The following DTNA variants were observed in gnomAD, a reference collection of about 807,000 sequenced individuals.
The protein encoded by DTNA is dystrobrevin alpha, also known as dystrophin-related protein 3.
In DTNA, 43 loss-of-function variants were observed where a neutral mutation model predicts 100.7. The observed-to-expected ratio is 0.43, with a 90% CI of 0.33 to 0.55. DTNA has a LOEUF of 0.55. DTNA is among the 20% of genes least tolerant of loss of function. The pLI is 0.04. For synonymous variants in DTNA, 349 were observed against 347.9 expected, an observed-to-expected ratio of 1.00 and a Z score of -0.04; for missense variants, 798 against 953.9, an observed-to-expected ratio of 0.84 and a Z score of 2.15.
At chr18:34,863,323 A>C (rs941892030) in intron 16 of DTNA, among the ~76,000 whole-genome samples, 7 of 152,228 alleles carry the variant, frequency 4.6e-5, no homozygotes, top group Non-Finnish European at 8.8e-5. Flanking sequence ...TCTGTAAAAC[A>C]AAACAAAATT....
At chr18:34,712,320 A>G (rs1011633262) in intron 1 of DTNA, among the ~76,000 whole-genome samples, 1 of 152,124 alleles carries the variant, frequency 6.6e-6, no homozygotes, top group Non-Finnish European at 1.5e-5. Context: ...GAAATTACTA[A>G]AAAGTATTTT....
At chr18:34,802,474 T>C (rs1219595854) in intron 4 of DTNA, among the ~76,000 whole-genome samples, 3 of 152,194 alleles carry the variant, frequency 2.0e-5, no homozygotes, top group African/African-American at 4.8e-5. Context: ...CTAATGACAA[T>C]TCCTGATGAG....
chr18:34,506,368 A>C (rs2040493746), intron 1 of DTNA, among the ~76,000 whole-genome samples: 1 of 152,226 alleles, frequency 6.6e-6, no homozygotes, highest in Middle Eastern at 3.4e-3. Context: ...CTTTATTACC[A>C]CTGGTGAAAA....
At chr18:34,521,681 A>T (rs2042161648) in intron 1 of DTNA, among the ~76,000 whole-genome samples, 1 of 151,820 alleles carries the variant, frequency 6.6e-6, no homozygotes, top group African/African-American at 2.4e-5. Flanking sequence ...ACTTGCTCTG[A>T]CCCCTACCTG....
intron 1 of DTNA, among the ~76,000 whole-genome samples, chr18:34,730,613 T>A (rs998122281): frequency 1.3e-5 from 2 of 152,206 alleles, no homozygotes; most frequent in Non-Finnish European, 2.9e-5. Context: ...ATGTCCTCAT[T>A]TGGATAACCC....
chr18:34,555,685 T>C (rs959710013), intron 1 of DTNA, among the ~76,000 whole-genome samples: 6 of 152,168 alleles, frequency 3.9e-5, no homozygotes, highest in African/African-American at 1.4e-4. Context: ...GTTGAGCGGT[T>C]TTGAGTGAGA....
intron 1 of DTNA, among the ~76,000 whole-genome samples, chr18:34,580,925 G>T (rs749879812): frequency 6.6e-6 from 1 of 152,174 alleles, no homozygotes; most frequent in Non-Finnish European, 1.5e-5. Flanking sequence ...ATTCTAATCT[G>T]TGGTACCTGT....
chr18:34,545,278 T>A (rs2044657996), intron 1 of DTNA, among the ~76,000 whole-genome samples: 1 of 152,068 alleles, frequency 6.6e-6, no homozygotes, highest in Non-Finnish European at 1.5e-5. Context: ...GAAGTCCCAA[T>A]TAATCTTGAA....
rs78071469 is a variant in DTNA at position 34,514,669 on chromosome 18, C to G, written c.-2+21155C>G. Among the ~76,000 whole-genome samples the G allele has an allele frequency of 4.4e-3, 663 of 152,040 alleles. 3 individuals carry two copies. The highest frequency in any genetic ancestry group is 7.3e-3 in the Non-Finnish European group (498 of 67,964). ...TCACAGTTCTAGAGGCTGGAAAGTC[C>G]AAGATTAAGGCAGTTTTGGTGCCTG... On this transcript the variant is annotated intron_variant, in intron 1 of 19. Transcript: ENST00000283365.
In DTNA at chr18:34,573,304, T is replaced by A. The variant is rs538412688; in HGVS notation, c.-2+79790T>A. On this transcript the variant is annotated intron_variant, in intron 1 of 19. Coordinates refer to the DTNA transcript ENST00000283365. ...CAACTTTAGGGCCCTAAATAAATATTAGGAACAAAAATGCCTCTCAAAACT... is the reference window on the plus strand; with the variant it reads ...CAACTTTAGGGCCCTAAATAAATATAAGGAACAAAAATGCCTCTCAAAACT... Among the ~76,000 whole-genome samples, 273 of 152,290 alleles carry A rather than the reference T, an allele frequency of 1.8e-3. 2 individuals carry two copies. The highest frequency in any genetic ancestry group is 6.0e-3 in the African/African-American group (250 of 41,556).
chr18:34,853,714 C>T (rs1177956443), intron 15 of DTNA, among the ~76,000 whole-genome samples: 1 of 151,382 alleles, frequency 6.6e-6, no homozygotes, highest in Non-Finnish European at 1.5e-5. Flanking sequence ...GTCAATGTAG[C>T]AAATAATAGG....
intron 21 of DTNA, among the ~76,000 whole-genome samples, chr18:34,882,938 C>T (rs1472113905): frequency 4.6e-5 from 7 of 152,144 alleles, no homozygotes; most frequent in Admixed American, 4.6e-4. Flanking sequence ...AGGAGAATGG[C>T]AAAATTCCTG....
At chr18:34,808,993 T>C (rs2149289984) in intron 5 of DTNA, among the ~76,000 whole-genome samples, 1 of 152,330 alleles carries the variant, frequency 6.6e-6, no homozygotes, top group East Asian at 1.9e-4. Context: ...TCACTCTTTG[T>C]ATAGTTAATC....
chr18:34,592,276 T>G (rs2049814635), intron 1 of DTNA, among the ~76,000 whole-genome samples: 1 of 152,208 alleles, frequency 6.6e-6, no homozygotes, highest in African/African-American at 2.4e-5. Context: ...AGAGGTTAGT[T>G]ATTTTCAGAG....
At chr18:34,504,823 G>T (rs2040325948) in intron 1 of DTNA, among the ~76,000 whole-genome samples, 1 of 152,126 alleles carries the variant, frequency 6.6e-6, no homozygotes, top group Non-Finnish European at 1.5e-5. Context: ...TCCTTGGAAG[G>T]TTTTTTAGCA....
At chr18:34,518,274 GA>G (rs1473808866) in intron 1 of DTNA, among the ~76,000 whole-genome samples, 1 of 151,900 alleles carries the variant, frequency 6.6e-6, no homozygotes, top group Non-Finnish European at 1.5e-5. Flanking sequence ...TTTCTAATTG[GA>G]TTGTTTGTCT....
chr18:34,825,412 A>G, intron 9 of DTNA: 1 of 1,073,302 alleles, frequency 9.3e-7, no homozygotes, highest in Admixed American at 1.7e-5. Context: ...CTCAGTTCAC[A>G]AGGATGCCAC....
At chr18:34,736,038 G>A (rs758874663) in intron 1 of DTNA, among the ~76,000 whole-genome samples, 15 of 152,052 alleles carry the variant, frequency 9.9e-5, no homozygotes, top group Admixed American at 5.9e-4. Flanking sequence ...AATAGTGTTC[G>A]AAATGCATAA....
At chr18:34,571,078 G>T (rs977416069) in intron 1 of DTNA, among the ~76,000 whole-genome samples, 5 of 152,190 alleles carry the variant, frequency 3.3e-5, no homozygotes, top group African/African-American at 1.2e-4. Context: ...CTGAGGTTCG[G>T]TTAAGTTCCT....
Sources: gnomAD v4.1 joint callset for allele counts (sites outside exome capture counted in the v4.1 genomes callset) on GRCh38, gnomAD v4.1.1 for gene constraint, MANE v1.5 for transcripts, NCBI Gene and HGNC (gene_info 2026-07-23, HGNC 2026-07-21) for gene names.